Variants in RMDN2 observed in about 807,000 individuals in gnomAD.
RMDN2 encodes the protein regulator of microtubule dynamics protein 2.
RMDN2 carries 61 observed loss-of-function variants against 52.8 expected under a neutral mutation model. The ratio of observed to expected loss-of-function variants is 1.16; its 90% CI spans 0.94 to 1.43. The LOEUF is 1.43. Ranked by LOEUF, RMDN2 falls within the 40% of genes most tolerant of loss-of-function variation. RMDN2 has a pLI of 0.00. For missense variants in RMDN2, 592 were observed against 475.3 expected (o/e 1.25, Z -2.28); for synonymous variants, 180 against 153.1 (o/e 1.18, Z -1.30).
chr2:37,935,509 C>T (rs1002900845), intron 2 of RMDN2, among the ~76,000 whole-genome samples: 1 of 152,158 alleles, frequency 6.6e-6, no homozygotes, highest in South Asian at 2.1e-4. Flanking sequence ...ATTTGCAAAA[C>T]AAAGTTGTTT....
intron 2 of RMDN2, among the ~76,000 whole-genome samples, chr2:37,958,755 T>G (rs1378488567): frequency 6.6e-6 from 1 of 150,936 alleles, no homozygotes; most frequent in East Asian, 1.9e-4. Flanking sequence ...GCCCATTCAG[T>G]ATGATATTGG....
At chr2:38,000,038 G>C (rs1012855454) in intron 8 of RMDN2, among the ~76,000 whole-genome samples, 1 of 152,146 alleles carries the variant, frequency 6.6e-6, no homozygotes, top group African/African-American at 2.4e-5. Context: ...CATGTTAAAT[G>C]TTCTAACTAA....
chr2:38,033,895 T>C (rs143779777), intron 10 of RMDN2, among the ~76,000 whole-genome samples: 8 of 152,286 alleles, frequency 5.3e-5, no homozygotes, highest in African/African-American at 1.7e-4. Context: ...TATCAGCATA[T>C]TGTTTTGAGT....
intron 10 of RMDN2, among the ~76,000 whole-genome samples, chr2:38,040,301 C>T (rs1433577333): frequency 6.6e-6 from 1 of 152,058 alleles, no homozygotes; most frequent in Non-Finnish European, 1.5e-5. Flanking sequence ...CTATGGTCTG[C>T]ATGTTGGCAT....
Position 38,056,225 on chromosome 2 carries a change from T to C in RMDN2, c.1714-10757T>C, listed in dbSNP as rs531802260. On this transcript the variant is annotated intron_variant, in intron 10 of 10. Coordinates refer to the RMDN2 transcript ENST00000234195. Reference sequence around the variant, plus strand: ...GGATCCTCTCATCCTCCCTCCCTGATATTGTGTCTCTCTAGTCAACCCCTA... The same window carrying C: ...GGATCCTCTCATCCTCCCTCCCTGACATTGTGTCTCTCTAGTCAACCCCTA... Among the ~76,000 whole-genome samples, 8 of 152,326 alleles carry C rather than the reference T, an allele frequency of 5.3e-5. 1 individual carries two copies. The highest frequency in any genetic ancestry group is 4.6e-4 in the Admixed American group (7 of 15,306).
chr2:37,984,426 G>A (rs1319119077), intron 5 of RMDN2, among the ~76,000 whole-genome samples: 1 of 152,150 alleles, frequency 6.6e-6, no homozygotes, highest in Non-Finnish European at 1.5e-5. Flanking sequence ...AGAGCAGCTT[G>A]TTTTCACTTT....
chr2:37,943,338 A>G (rs1339674429), intron 2 of RMDN2, among the ~76,000 whole-genome samples: 1 of 152,230 alleles, frequency 6.6e-6, no homozygotes, highest in East Asian at 1.9e-4. Flanking sequence ...AAGGTGTCAC[A>G]GAAACCAAGA....
chr2:38,020,859 G>A (rs144229809), downstream of RMDN2, among the ~76,000 whole-genome samples: 10 of 152,184 alleles, frequency 6.6e-5, no homozygotes, highest in East Asian at 1.6e-3. Flanking sequence ...TCCACGGTGC[G>A]CAATTCCATC....
chr2:37,970,139 T>C (rs1671603370), intron 2 of RMDN2, among the ~76,000 whole-genome samples: 1 of 152,152 alleles, frequency 6.6e-6, no homozygotes, highest in Admixed American at 6.5e-5. Context: ...TGCCATGTTG[T>C]GCAGGCTAGT....
chr2:37,954,935 G>C (rs1179298456), intron 2 of RMDN2, among the ~76,000 whole-genome samples: 2 of 151,954 alleles, frequency 1.3e-5, no homozygotes, highest in Admixed American at 1.3e-4. Flanking sequence ...TTATTTCTAA[G>C]TATTTTACAC....
chr2:37,985,661 G>A (rs1382044561), intron 5 of RMDN2, among the ~76,000 whole-genome samples: 2 of 152,108 alleles, frequency 1.3e-5, no homozygotes, highest in African/African-American at 2.4e-5. Context: ...TAGAAAGTAT[G>A]CTTGTAAAAG....
At chr2:37,956,612 G>A (rs527689647) in intron 2 of RMDN2, among the ~76,000 whole-genome samples, 3 of 151,042 alleles carry the variant, frequency 2.0e-5, no homozygotes, top group South Asian at 2.1e-4. Context: ...TTAATATTTC[G>A]ATTTAGGTTG....
At chr2:38,004,521 T>C (rs960746651) in intron 10 of RMDN2, among the ~76,000 whole-genome samples, 1 of 152,148 alleles carries the variant, frequency 6.6e-6, no homozygotes, top group Non-Finnish European at 1.5e-5. Context: ...ATTTCAAATA[T>C]ACAATACAGT....
chr2:38,006,726 T>A (rs368498136), intron 10 of RMDN2, among the ~76,000 whole-genome samples: 5 of 152,240 alleles, frequency 3.3e-5, no homozygotes, highest in Admixed American at 1.3e-4. Flanking sequence ...CCCTGGCCAG[T>A]ACTTCCAATA....
At chr2:38,050,833 A>G (rs946000933) in intron 10 of RMDN2, among the ~76,000 whole-genome samples, 5 of 152,186 alleles carry the variant, frequency 3.3e-5, no homozygotes, top group African/African-American at 1.2e-4. Context: ...ATCTCAGCTC[A>G]CTGCAGCCTC....
rs77762745 is a variant in RMDN2, at chr2:38,017,683, A to G, written c.*444A>G. 0.082 allele frequency: 43,698 copies of G among 531,614 alleles called. 2,090 individuals are homozygous for G. Among genetic ancestry groups the G allele is most frequent in the African/African-American group, 0.18 (8,475 of 48,372 alleles). 32.9% of individuals were successfully genotyped at this position (531,614 alleles called of 1,614,324 possible). On this transcript the variant is annotated 3_prime_UTR_variant, in exon 11 of 11. Transcript: ENST00000354545. ...AAGAGGAAAAACAAACAAATGTAGTATTGTAACTGGTAATCAAAAGATGTG... is the reference window on the plus strand; with the variant it reads ...AAGAGGAAAAACAAACAAATGTAGTGTTGTAACTGGTAATCAAAAGATGTG...
In RMDN2 at chr2:37,997,446, A is replaced by G. The variant is rs922904578; in HGVS notation, c.976A>G (p.Met326Val). 3 of 1,613,746 alleles carry G rather than the reference A, an allele frequency of 1.9e-6. No homozygotes were observed. Among genetic ancestry groups the G allele is most frequent in the Non-Finnish European group, 8.5e-7 (1 of 1,179,814 alleles). ...VSKLSWIEKK[M>V]AATLFGKIPS... The stretch of plus-strand genomic sequence containing the variant: ...AAAACTGAGCTGGATTGAGAAAAAA[A>G]TGGCTGCTACTCTGTTTGGAAAAAT... Residue 326 changes from methionine to valine, a missense_variant, in exon 8 of 11, where the codon ATG becomes GTG. Met to Val is a conservative substitution (Grantham distance 21). Transcript: ENST00000354545.
At chr2:37,971,784 A>C (rs1424613069) in intron 2 of RMDN2, among the ~76,000 whole-genome samples, 1 of 152,122 alleles carries the variant, frequency 6.6e-6, no homozygotes, top group East Asian at 1.9e-4. Context: ...TGGTGGGGTA[A>C]GTCTTCTCTC....
At chr2:38,000,893 T>A (rs919859902) in intron 8 of RMDN2, among the ~76,000 whole-genome samples, 1 of 152,252 alleles carries the variant, frequency 6.6e-6, no homozygotes, top group African/African-American at 2.4e-5. Flanking sequence ...TATGTGCTTT[T>A]AAACGTTGAT....
Sources: allele counts gnomAD v4.1 joint callset (sites outside exome capture counted in the v4.1 genomes callset), GRCh38; gene constraint gnomAD v4.1.1; transcripts MANE v1.5; gene names NCBI Gene and HGNC (gene_info 2026-07-23, HGNC 2026-07-21).